The following SLC24A4 variants were observed in gnomAD, a reference collection of about 807,000 sequenced individuals.
SLC24A4 encodes the protein sodium/potassium/calcium exchanger 4.
A neutral mutation model predicts 79.0 loss-of-function variants in SLC24A4; 53 were observed. That is an observed-to-expected ratio of 0.67 (90% CI 0.54 to 0.84). The LOEUF (loss-of-function observed/expected upper bound fraction) is 0.84. SLC24A4 is among the 40% of genes least tolerant of loss of function. SLC24A4 has a pLI of 0.00. For synonymous variants in SLC24A4, 323 were observed against 323.8 expected (o/e 1.00, Z 0.03); for missense variants, 731 against 822.0 (o/e 0.89, Z 1.35).
At chr14:92,482,598 A>G (rs1281054128) in intron 12 of SLC24A4, 82 bp from the exon 13 acceptor site, 2 of 1,370,664 alleles carry the variant, frequency 1.5e-6, no homozygotes, top group East Asian at 2.5e-5. Context: ...CTTGAAGACT[A>G]AATCGACAGG....
chr14:92,394,723 C>T (rs1889672070), intron 2 of SLC24A4, among the ~76,000 whole-genome samples: 1 of 152,304 alleles, frequency 6.6e-6, no homozygotes, highest in East Asian at 1.9e-4. Flanking sequence ...ATTATTTCAG[C>T]AGAAACTCAG....
chr14:92,334,889 G>A (rs888091425), intron 2 of SLC24A4, among the ~76,000 whole-genome samples: 9 of 151,220 alleles, frequency 6.0e-5, no homozygotes, highest in South Asian at 4.2e-4. Flanking sequence ...CATCATCATC[G>A]TCATCATCAT....
At chr14:92,487,763 C>T (rs1381394650) in intron 14 of SLC24A4, among the ~76,000 whole-genome samples, 1 of 152,196 alleles carries the variant, frequency 6.6e-6, no homozygotes, top group Non-Finnish European at 1.5e-5. Flanking sequence ...CATTGTCTCA[C>T]AGCTCTGGCA....
chr14:92,483,099 C>A (rs1040682460), intron 13 of SLC24A4, among the ~76,000 whole-genome samples: 1 of 152,184 alleles, frequency 6.6e-6, no homozygotes, highest in African/African-American at 2.4e-5. Flanking sequence ...GCACAGGCAG[C>A]CTAAATCACA....
At chr14:92,367,715 C>T (rs1320894532) in intron 2 of SLC24A4, among the ~76,000 whole-genome samples, 1 of 152,206 alleles carries the variant, frequency 6.6e-6, no homozygotes, top group Non-Finnish European at 1.5e-5. Context: ...TCAGGTGGTG[C>T]CCATATGCCG....
At chr14:92,347,018 A>ATAGG (rs1311105263) in intron 2 of SLC24A4, among the ~76,000 whole-genome samples, 1 of 151,956 alleles carries the variant, frequency 6.6e-6, no homozygotes, top group Non-Finnish European at 1.5e-5. Context: ...CCCCACTTCT[A>ATAGG]GTATGGCTCA....
At chr14:92,453,171 G>A (rs1362811578) in intron 10 of SLC24A4, 7 of 152,264 alleles carry the variant, frequency 4.6e-5, no homozygotes, top group African/African-American at 1.4e-4. Flanking sequence ...CCCATTGTGA[G>A]GGGAAGGAAA....
At chr14:92,467,725 G>T (rs1894201574) in intron 12 of SLC24A4, among the ~76,000 whole-genome samples, 1 of 152,302 alleles carries the variant, frequency 6.6e-6, no homozygotes, top group South Asian at 2.1e-4. Context: ...CTAGGACCAT[G>T]TATCAGGGTC....
intron 2 of SLC24A4, among the ~76,000 whole-genome samples, chr14:92,379,997 G>T (rs911832013): frequency 5.3e-5 from 8 of 152,186 alleles, no homozygotes; most frequent in Non-Finnish European, 1.0e-4. Context: ...TACTGGGGTA[G>T]TGTCCCCCTC....
intron 2 of SLC24A4, among the ~76,000 whole-genome samples, chr14:92,366,916 G>C (rs1887876175): frequency 6.6e-6 from 1 of 152,194 alleles, no homozygotes; most frequent in Non-Finnish European, 1.5e-5. Flanking sequence ...CATACAACTA[G>C]TAAGGGCGTG....
chr14:92,407,175 A>G (rs918914065), intron 2 of SLC24A4, among the ~76,000 whole-genome samples: 2 of 152,216 alleles, frequency 1.3e-5, no homozygotes, highest in African/African-American at 2.4e-5. Context: ...TCTCTTTACT[A>G]AAGCATAGCA....
intron 2 of SLC24A4, among the ~76,000 whole-genome samples, chr14:92,359,105 A>G (rs1887350464): frequency 6.6e-6 from 1 of 152,154 alleles, no homozygotes; most frequent in Admixed American, 6.5e-5. Context: ...AGGCCAGTCT[A>G]GTCTAAGGAA....
chr14:92,478,864 T>C (rs1178000371), intron 12 of SLC24A4, among the ~76,000 whole-genome samples: 2 of 152,338 alleles, frequency 1.3e-5, no homozygotes, highest in African/African-American at 4.8e-5. Context: ...TTAGGTCTTC[T>C]TTAATTTCTT....
chr14:92,471,430 A>G (rs567105740), intron 12 of SLC24A4, among the ~76,000 whole-genome samples: 85 of 150,950 alleles, frequency 5.6e-4, no homozygotes, highest in African/African-American at 1.9e-3. Flanking sequence ...AAGGAAGCCT[A>G]GGAAATTAAG....
intron 2 of SLC24A4, among the ~76,000 whole-genome samples, chr14:92,337,392 G>A (rs1166302095): frequency 6.6e-6 from 1 of 152,204 alleles, no homozygotes; most frequent in African/African-American, 2.4e-5. Flanking sequence ...TCAGCTTACA[G>A]CGAATGGTGA....
chr14:92,497,164 C>T lies in SLC24A4; in HGVS notation c.*3536C>T, dbSNP rs1895957273. On this transcript the variant is annotated 3_prime_UTR_variant, in exon 17 of 17. Transcript: ENST00000532405. ...TGTTAGGACTGTTTCTTGCTTTTGCCCCTGTCGGTCCCCTGCCTTAACAGA... is the reference window on the plus strand; with the variant it reads ...TGTTAGGACTGTTTCTTGCTTTTGCTCCTGTCGGTCCCCTGCCTTAACAGA... The T allele has an allele frequency of 6.6e-6, 1 of 152,284 alleles. No homozygotes were observed. 9.4% of individuals were successfully genotyped at this position (152,284 alleles called of 1,614,324 possible).
intron 2 of SLC24A4, among the ~76,000 whole-genome samples, chr14:92,343,658 T>C (rs1263334860): frequency 1.2e-4 from 13 of 110,328 alleles, no homozygotes; most frequent in South Asian, 6.0e-4. Context: ...CCTTCTTTCC[T>C]TCCTTCCTTC....
intron 12 of SLC24A4, among the ~76,000 whole-genome samples, chr14:92,472,975 C>T (rs780390879): frequency 5.9e-5 from 9 of 152,214 alleles, no homozygotes; most frequent in Non-Finnish European, 1.2e-4. Context: ...ACAATAAAGG[C>T]TTTTGCCCAC....
chr14:92,402,452 A>C (rs942604230), intron 2 of SLC24A4, among the ~76,000 whole-genome samples: 2 of 152,170 alleles, frequency 1.3e-5, no homozygotes, highest in Non-Finnish European at 2.9e-5. Context: ...CCAGCCAGGT[A>C]ATATAGGCAG....
Sources: gnomAD v4.1 joint callset for allele counts (sites outside exome capture counted in the v4.1 genomes callset) on GRCh38, gnomAD v4.1.1 for gene constraint, MANE v1.5 for transcripts, NCBI Gene and HGNC (gene_info 2026-07-23, HGNC 2026-07-21) for gene names.